ST6GALNAC3: variants seen among roughly 807,000 people sequenced by gnomAD.
The protein encoded by ST6GALNAC3 is ST6 N-acetylgalactosaminide alpha-2,6-sialyltransferase 3.
ST6GALNAC3 carries 25 observed loss-of-function variants against 32.7 expected under a neutral mutation model. The ratio of observed to expected loss-of-function variants is 0.76; its 90% CI spans 0.56 to 1.07. ST6GALNAC3 has a LOEUF of 1.07. Ranked by LOEUF, ST6GALNAC3 falls within the 50% of genes least tolerant of loss-of-function variation. The pLI is 0.00. For missense variants in ST6GALNAC3, 355 were observed against 382.4 expected (o/e 0.93, Z 0.60); for synonymous variants, 129 against 133.1 (o/e 0.97, Z 0.21).
At chr1:76,625,141 ACT>A (rs1400827350) in intron 3 of ST6GALNAC3, among the ~76,000 whole-genome samples, 1 of 151,874 alleles carries the variant, frequency 6.6e-6, no homozygotes, top group Non-Finnish European at 1.5e-5. Flanking sequence ...TTCTAACTGC[ACT>A]CTGTGTTGAC....
intron 1 of ST6GALNAC3, among the ~76,000 whole-genome samples, chr1:76,094,034 G>A (rs1161911378): frequency 2.0e-5 from 3 of 152,174 alleles, no homozygotes; most frequent in Admixed American, 6.5e-5. Flanking sequence ...AAGAACTTAT[G>A]AGGCTTGGGG....
At chr1:76,106,630 C>A (rs772600138) in intron 1 of ST6GALNAC3, among the ~76,000 whole-genome samples, 1 of 152,144 alleles carries the variant, frequency 6.6e-6, no homozygotes, top group Non-Finnish European at 1.5e-5. Flanking sequence ...TGAGGTGGAT[C>A]ATCAGCAACA....
intron 1 of ST6GALNAC3, among the ~76,000 whole-genome samples, chr1:76,126,405 T>G (rs1470659585): frequency 2.2e-5 from 3 of 137,748 alleles, no homozygotes. Flanking sequence ...TTCTTTTCCC[T>G]CCCTCCCTCC....
At chr1:76,494,486 C>CACA (rs56077809) in intron 3 of ST6GALNAC3, among the ~76,000 whole-genome samples, 1 of 132,880 alleles carries the variant, frequency 7.5e-6, no homozygotes. Context: ...CACACACACA[C>CACA]TTTCCCTACT....
At chr1:76,188,219 G>C (rs1653684772) in intron 1 of ST6GALNAC3, among the ~76,000 whole-genome samples, 1 of 152,090 alleles carries the variant, frequency 6.6e-6, no homozygotes, top group African/African-American at 2.4e-5. Context: ...AAAATTAGCT[G>C]GTTGTGGTGG....
chr1:76,454,673 C>T lies in ST6GALNAC3; in HGVS notation c.623+42256C>T, dbSNP rs184625768. On this transcript the variant is annotated intron_variant, in intron 3 of 4. Coordinates refer to ENST00000328299, the MANE Select transcript of ST6GALNAC3 (RefSeq NM_152996.4). ...TCTGTTGTTAATCTGATAGGTTTTC[C>T]TTTATAGGTTACCTGGTGCTTTTGC... Among the ~76,000 whole-genome samples the T allele has an allele frequency of 1.8e-4, 28 of 152,178 alleles. No individual in the cohort carries two copies. The East Asian group carries it at 5.4e-3, about 29-fold the overall frequency.
chr1:76,140,838 T>C (rs984026177), intron 1 of ST6GALNAC3, among the ~76,000 whole-genome samples: 18 of 147,004 alleles, frequency 1.2e-4, no homozygotes. Flanking sequence ...AGGGTCTTGC[T>C]AAGTTGCCAG....
chr1:76,185,437 T>G (rs1195866117), intron 1 of ST6GALNAC3, among the ~76,000 whole-genome samples: 1 of 152,154 alleles, frequency 6.6e-6, no homozygotes, highest in Non-Finnish European at 1.5e-5. Context: ...CTTAAAACAG[T>G]GCCTGGAACA....
At chr1:76,318,537 G>C (rs1213775254) in intron 2 of ST6GALNAC3, among the ~76,000 whole-genome samples, 2 of 152,130 alleles carry the variant, frequency 1.3e-5, no homozygotes, top group Non-Finnish European at 2.9e-5. Flanking sequence ...CTTGGATCAG[G>C]AGTGATTTAG....
intron 3 of ST6GALNAC3, among the ~76,000 whole-genome samples, chr1:76,513,318 G>T (rs1661983721): frequency 6.6e-6 from 1 of 152,162 alleles, no homozygotes; most frequent in South Asian, 2.1e-4. Flanking sequence ...GTGGTGAGAA[G>T]TAAGGGTCTA....
At chr1:76,368,997 A>T (rs990630660) in intron 2 of ST6GALNAC3, among the ~76,000 whole-genome samples, 1 of 152,190 alleles carries the variant, frequency 6.6e-6, no homozygotes, top group Non-Finnish European at 1.5e-5. Flanking sequence ...AAGTACTGCC[A>T]GCACAATGCT....
intron 3 of ST6GALNAC3, among the ~76,000 whole-genome samples, chr1:76,570,765 T>C (rs1320345238): frequency 2.6e-5 from 4 of 152,112 alleles, no homozygotes; most frequent in African/African-American, 9.7e-5. Flanking sequence ...CTGGTTGTTC[T>C]TTCTTCATTT....
intron 3 of ST6GALNAC3, among the ~76,000 whole-genome samples, chr1:76,598,250 T>C (rs1174833803): frequency 6.6e-6 from 1 of 152,070 alleles, no homozygotes; most frequent in Non-Finnish European, 1.5e-5. Context: ...CGACAACATA[T>C]GAATTTGTGG....
intron 2 of ST6GALNAC3, among the ~76,000 whole-genome samples, chr1:76,408,459 T>A (rs1399418518): frequency 6.6e-6 from 1 of 152,098 alleles, no homozygotes; most frequent in Non-Finnish European, 1.5e-5. Context: ...CTCTACCCAA[T>A]GACATATTTG....
intron 3 of ST6GALNAC3, among the ~76,000 whole-genome samples, chr1:76,609,185 A>G (rs1178887052): frequency 1.3e-5 from 2 of 152,152 alleles, no homozygotes; most frequent in South Asian, 2.1e-4. Context: ...TCCACTATTT[A>G]TAAACAATTA....
At chr1:76,587,288 C>T (rs888812357) in intron 3 of ST6GALNAC3, among the ~76,000 whole-genome samples, 2 of 152,302 alleles carry the variant, frequency 1.3e-5, no homozygotes, top group East Asian at 1.9e-4. Flanking sequence ...ATTGGCAGAA[C>T]ATATTGTCTG....
chr1:76,084,824 G>C (rs145423074), intron 1 of ST6GALNAC3, among the ~76,000 whole-genome samples: 1 of 152,230 alleles, frequency 6.6e-6, no homozygotes, highest in Non-Finnish European at 1.5e-5. Flanking sequence ...TGAACATTTC[G>C]TTATAATAAT....
At chr1:76,549,276 C>T (rs1355027213) in intron 3 of ST6GALNAC3, among the ~76,000 whole-genome samples, 1 of 152,008 alleles carries the variant, frequency 6.6e-6, no homozygotes, top group Non-Finnish European at 1.5e-5. Flanking sequence ...TCCCCGTGTC[C>T]CTTCCCTGTC....
intron 1 of ST6GALNAC3, among the ~76,000 whole-genome samples, chr1:76,289,113 G>T (rs960977436): frequency 9.2e-5 from 14 of 152,148 alleles, no homozygotes; most frequent in African/African-American, 2.7e-4. Flanking sequence ...TATGTTTATA[G>T]GACCTTATGT....
Sources: gnomAD v4.1 joint callset for allele counts (sites outside exome capture counted in the v4.1 genomes callset) on GRCh38, gnomAD v4.1.1 for gene constraint, MANE v1.5 for transcripts, NCBI Gene and HGNC (gene_info 2026-07-23, HGNC 2026-07-21) for gene names.